The following DGKI variants were observed in gnomAD, a reference collection of about 807,000 sequenced individuals.
The protein encoded by DGKI is diacylglycerol kinase iota, also known as DAG kinase iota.
DGKI carries 55 observed loss-of-function variants against 147.5 expected under a neutral mutation model. The ratio of observed to expected loss-of-function variants is 0.37; its 90% CI spans 0.30 to 0.47. The LOEUF is 0.47. DGKI is among the 20% of genes least tolerant of loss of function. DGKI has a pLI of 1.00. For synonymous variants in DGKI, 469 were observed against 477.1 expected, an observed-to-expected ratio of 0.98 and a Z score of 0.22; for missense variants, 1,007 against 1,323.8, an observed-to-expected ratio of 0.76 and a Z score of 3.71.
At chr7:137,602,961 C>G (rs1382356731) in intron 10 of DGKI, among the ~76,000 whole-genome samples, 1 of 151,382 alleles carries the variant, frequency 6.6e-6, no homozygotes, top group East Asian at 1.9e-4. Context: ...CCTCACTGGC[C>G]ACAGAACTTT....
intron 12 of DGKI, among the ~76,000 whole-genome samples, chr7:137,589,369 C>T (rs1585261178): frequency 1.3e-5 from 2 of 152,192 alleles, no homozygotes; most frequent in Non-Finnish European, 2.9e-5. Context: ...ACATGGTTCA[C>T]CCAATGTGGT....
chr7:137,696,011 T>C (rs1260655655), intron 1 of DGKI, among the ~76,000 whole-genome samples: 1 of 152,162 alleles, frequency 6.6e-6, no homozygotes, highest in African/African-American at 2.4e-5. Context: ...GCACAATCGA[T>C]AGTTGCTGCT....
intron 29 of DGKI, among the ~76,000 whole-genome samples, chr7:137,410,363 C>G (rs1812117689): frequency 6.6e-6 from 1 of 152,130 alleles, no homozygotes; most frequent in African/African-American, 2.4e-5. Flanking sequence ...CGAGATCGTG[C>G]CACTGCACTC....
intron 1 of DGKI, among the ~76,000 whole-genome samples, chr7:137,702,422 C>A (rs938428103): frequency 6.6e-6 from 1 of 152,126 alleles, no homozygotes; most frequent in Non-Finnish European, 1.5e-5. Context: ...AGAGCCATAC[C>A]CCTGGAAAGC....
At position 137,407,719 on chromosome 7, in the gene DGKI, C is replaced by T. The variant is rs1054084520; in HGVS notation, c.2920+156G>A. On this transcript the variant is annotated intron_variant, in intron 30 of 32. Coordinates refer to ENST00000614521, the MANE Select transcript of DGKI (RefSeq NM_001321708.2). ...CGTATGTGTCAGTGGTCTGCAACCA[C>T]GACTGCCTCAAATAAGCAGGGGCAG... is the stretch of plus-strand genomic sequence containing the variant. 7.9e-5 allele frequency among the ~76,000 whole-genome samples: 12 copies of T among 152,146 alleles called. No individual in the cohort carries two copies. In the East Asian group the frequency reaches 1.9e-3, roughly 24 times the overall value.
intron 19 of DGKI, among the ~76,000 whole-genome samples, chr7:137,570,896 A>C (rs1208737176): frequency 6.6e-6 from 1 of 152,168 alleles, no homozygotes; most frequent in Non-Finnish European, 1.5e-5. Flanking sequence ...GCCCAGTGTA[A>C]TGTTTTTAAT....
At chr7:137,472,287 TG>T (rs1814962568) in intron 23 of DGKI, among the ~76,000 whole-genome samples, 1 of 58,932 alleles carries the variant, frequency 1.7e-5, no homozygotes, top group African/African-American at 5.9e-5. Flanking sequence ...TAATATTATA[TG>T]TATGTGTATA....
At chr7:137,667,401 T>G (rs966806765) in intron 3 of DGKI, among the ~76,000 whole-genome samples, 1 of 152,098 alleles carries the variant, frequency 6.6e-6, no homozygotes, top group Admixed American at 6.6e-5. Flanking sequence ...CTTGGTGGCT[T>G]TCTCTAGTTC....
At chr7:137,760,038 G>A (rs1480348274) in intron 1 of DGKI, among the ~76,000 whole-genome samples, 1 of 152,126 alleles carries the variant, frequency 6.6e-6, no homozygotes, top group Non-Finnish European at 1.5e-5. Flanking sequence ...ATAGACTGAG[G>A]CAATTGAGGC....
At chr7:137,812,395 C>A (rs371910511) in intron 1 of DGKI, among the ~76,000 whole-genome samples, 1 of 152,078 alleles carries the variant, frequency 6.6e-6, no homozygotes, top group Non-Finnish European at 1.5e-5. Flanking sequence ...CCTATAAAGA[C>A]GGGAGGCATT....
At chr7:137,712,908 C>T (rs1392391342) in intron 1 of DGKI, among the ~76,000 whole-genome samples, 1 of 152,138 alleles carries the variant, frequency 6.6e-6, no homozygotes, top group African/African-American at 2.4e-5. Context: ...CAAGCTTCCT[C>T]GCCACTTAGC....
At chr7:137,635,223 G>T (rs1244566262) in intron 6 of DGKI, among the ~76,000 whole-genome samples, 1 of 152,124 alleles carries the variant, frequency 6.6e-6, no homozygotes, top group South Asian at 2.1e-4. Context: ...TGCTATATGT[G>T]GGTCCAATAG....
intron 28 of DGKI, among the ~76,000 whole-genome samples, chr7:137,413,888 A>G (rs1812258968): frequency 6.6e-6 from 1 of 152,216 alleles, no homozygotes; most frequent in Non-Finnish European, 1.5e-5. Context: ...AAACTAATTT[A>G]AATTTCTAAC....
intron 21 of DGKI, among the ~76,000 whole-genome samples, chr7:137,489,685 A>C (rs1281623327): frequency 1.3e-5 from 2 of 152,172 alleles, no homozygotes; most frequent in African/African-American, 4.8e-5. Context: ...AGTGGAATAT[A>C]GCTATAATTA....
chr7:137,396,666 C>T (rs1811566008), intron 31 of DGKI, among the ~76,000 whole-genome samples: 1 of 152,170 alleles, frequency 6.6e-6, no homozygotes, highest in Non-Finnish European at 1.5e-5. Context: ...TTCCCACATG[C>T]TTAGCTACTC....
chr7:137,402,524 C>T (rs1008546439), intron 30 of DGKI, among the ~76,000 whole-genome samples: 1 of 152,224 alleles, frequency 6.6e-6, no homozygotes, highest in Non-Finnish European at 1.5e-5. Context: ...CTGTTGGATA[C>T]CCCAGCTCCC....
In DGKI at chr7:137,408,003, G is replaced by A. The variant is rs1327879965; in HGVS notation, c.2800-8C>T. The A allele has an allele frequency of 1.2e-6, 2 of 1,612,002 alleles. No homozygotes were observed. The highest frequency in any genetic ancestry group is 3.3e-5 in the Admixed American group (2 of 59,718). On this transcript the variant is annotated splice_region_variant and splice_polypyrimidine_tract_variant and intron_variant, in intron 29 of 32. Transcript: ENST00000614521. Reference sequence around the variant, plus strand: ...TTTATAGCTTTCTATTAGCTGCAAAGAGAGACATACAAAAAGAAGCTCAGG... The same window carrying A: ...TTTATAGCTTTCTATTAGCTGCAAAAAGAGACATACAAAAAGAAGCTCAGG...
intron 6 of DGKI, among the ~76,000 whole-genome samples, chr7:137,633,136 C>A (rs1821191171): frequency 6.7e-6 from 1 of 148,556 alleles, no homozygotes; most frequent in Admixed American, 6.9e-5. Flanking sequence ...TGCTTGAACC[C>A]AGGAGGCGGA....
intron 28 of DGKI, among the ~76,000 whole-genome samples, chr7:137,432,371 T>C (rs1013648886): frequency 2.6e-5 from 4 of 152,150 alleles, no homozygotes; most frequent in African/African-American, 9.7e-5. Flanking sequence ...CAAAAGCCCA[T>C]GCAAATGAGA....
Sources: allele counts gnomAD v4.1 joint callset (sites outside exome capture counted in the v4.1 genomes callset), GRCh38; gene constraint gnomAD v4.1.1; transcripts MANE v1.5; gene names NCBI Gene and HGNC (gene_info 2026-07-23, HGNC 2026-07-21).